CYB5R3: variants seen among roughly 807,000 people sequenced by gnomAD.
CYB5R3 encodes cytochrome b5 reductase 3.
CYB5R3 carries 28 observed loss-of-function variants against 36.5 expected under a neutral mutation model. That is an observed-to-expected ratio of 0.77 (90% CI 0.57 to 1.05). The LOEUF is 1.05. CYB5R3 is among the 50% of genes least tolerant of loss of function. The probability of loss-of-function intolerance (pLI) is 0.00; values close to 1 mark genes in which losing one functional copy is unlikely to be tolerated. For synonymous variants in CYB5R3, 181 were observed against 159.8 expected (o/e 1.13, Z -1.00); for missense variants, 474 against 408.9 (o/e 1.16, Z -1.37).
chr22:42,644,551 C>A lies in CYB5R3; in HGVS notation c.21+4744G>T, dbSNP rs997682461. ...CAAACATCAAATCTTCCCTGATGAGCCCTTCCCTAGCTAACCAGGCCCTTG... is the reference window on the plus strand; with the variant it reads ...CAAACATCAAATCTTCCCTGATGAGACCTTCCCTAGCTAACCAGGCCCTTG... On this transcript the variant is annotated intron_variant, in intron 1 of 8. Coordinates refer to ENST00000352397, the MANE Select transcript of CYB5R3 (RefSeq NM_000398.7). The A allele has an allele frequency of 2.3e-5, 35 of 1,508,824 alleles. No homozygotes were observed. The Admixed American group carries it at 6.9e-4, about 30-fold the overall frequency. The allele number at this position is 1,508,824 out of a possible 1,614,324, so 93.5% of individuals were successfully genotyped here.
At chr22:42,629,356 G>A (rs904505294) in intron 4 of CYB5R3, among the ~76,000 whole-genome samples, 6 of 152,098 alleles carry the variant, frequency 3.9e-5, no homozygotes. Flanking sequence ...TTCTTCACCT[G>A]GTCAGTGCCT....
At chr22:42,628,362 C>G in intron 4 of CYB5R3, 81 bp from the exon 5 acceptor site, 2 of 1,569,598 alleles carry the variant, frequency 1.3e-6, no homozygotes, top group Non-Finnish European at 8.7e-7. Flanking sequence ...AGACAAGTGC[C>G]TCTTCTGCAG....
Position 42,649,368 on chromosome 22 carries a change from G to T in CYB5R3, c.-53C>A, listed in dbSNP as rs1206270772. ...CGCCGCCGCCGCCGCCGCCGAGACC[G>T]TCGCGCCCGGGCCCGCGTCACTCCG... On this transcript the variant is annotated 5_prime_UTR_variant, in exon 1 of 9. Transcript: ENST00000352397. The T allele has an allele frequency of 2.9e-6, 2 of 684,902 alleles. No individual in the cohort carries two copies. The highest frequency in any genetic ancestry group is 2.5e-4 in the East Asian group (2 of 8,150). The allele number at this position is 684,902 out of a possible 1,614,324, so 42.4% of individuals were successfully genotyped here. A position where few individuals can be genotyped will look rare whatever the true frequency, so the allele number is the denominator to read the frequency against.
intron 2 of CYB5R3, chr22:42,631,818 T>C (rs6002829): frequency 0.63 from 196,805 of 312,014 alleles, 62,940 homozygotes; most frequent in East Asian, 0.87. Flanking sequence ...AGGAAGAACT[T>C]GAGGGCTGGA....
chr22:42,642,680 C>T (rs886492536), intron 1 of CYB5R3, among the ~76,000 whole-genome samples: 5 of 152,112 alleles, frequency 3.3e-5, no homozygotes, highest in East Asian at 1.9e-4. Flanking sequence ...CCTCGTGATC[C>T]GCCCGCCTCA....
At chr22:42,638,396 C>CA (rs1206825251) in intron 1 of CYB5R3, among the ~76,000 whole-genome samples, 8,831 of 36,336 alleles carry the variant, frequency 0.24, 1,597 homozygotes, top group Non-Finnish European at 0.32. Flanking sequence ...AACTCCATCT[C>CA]AAAAAAAAAA....
intron 1 of CYB5R3, among the ~76,000 whole-genome samples, chr22:42,641,660 A>C (rs190532174): frequency 5.9e-5 from 9 of 152,244 alleles, no homozygotes; most frequent in Admixed American, 5.9e-4. Flanking sequence ...TAATTTTTGT[A>C]TCATTAGTAG....
chr22:42,632,234 C>T (rs1928659536), intron 2 of CYB5R3: 1 of 152,408 alleles, frequency 6.6e-6, no homozygotes, highest in South Asian at 2.1e-4. Flanking sequence ...AGGGTGCACT[C>T]CCTGTGGGGT....
intron 4 of CYB5R3, among the ~76,000 whole-genome samples, chr22:42,629,868 G>C (rs1291980525): frequency 6.6e-6 from 1 of 152,102 alleles, no homozygotes; most frequent in Non-Finnish European, 1.5e-5. Context: ...CATGATCTTG[G>C]CTTACTGCAA....
intron 1 of CYB5R3, among the ~76,000 whole-genome samples, chr22:42,641,714 G>A (rs1246302652): frequency 6.6e-6 from 1 of 152,148 alleles, no homozygotes; most frequent in South Asian, 2.1e-4. Flanking sequence ...TCGAACTTCT[G>A]ACCTCAGGTG....
chr22:42,638,728 T>TTAAAAAAAAAA (rs1569324852), intron 1 of CYB5R3, among the ~76,000 whole-genome samples: 2 of 47,520 alleles, frequency 4.2e-5, no homozygotes, highest in African/African-American at 2.2e-4. Context: ...CAAGACTCCA[T>TTAAAAAAAAAA]AAAAAAAAAA....
rs1041068129 is a variant in CYB5R3, at chr22:42,631,365, G to T, written c.226+13C>A. 32 of 1,551,218 alleles carry T rather than the reference G, an allele frequency of 2.1e-5. No individual in the cohort carries two copies. Among genetic ancestry groups the T allele is most frequent in the Non-Finnish European group, 2.5e-5 (29 of 1,146,832 alleles). ...GCCGGGCTCCGAATGGGCCCAGCAG[G>T]GGCGTGACTCACCGACAGGGAGGCC... is the stretch of plus-strand genomic sequence containing the variant. On this transcript the variant is annotated intron_variant, in intron 3 of 8. Transcript: ENST00000352397.
chr22:42,638,448 T>G (rs1221892139), intron 1 of CYB5R3, among the ~76,000 whole-genome samples: 1 of 129,806 alleles, frequency 7.7e-6, no homozygotes, highest in Non-Finnish European at 1.6e-5. Context: ...CACACGCCCG[T>G]GGTCCCAGCT....
intron 1 of CYB5R3, among the ~76,000 whole-genome samples, chr22:42,643,793 C>T (rs1231201581): frequency 6.6e-6 from 1 of 152,148 alleles, no homozygotes; most frequent in African/African-American, 2.4e-5. Flanking sequence ...GTTTGAGTCC[C>T]AGCTAAGGAT....
At chr22:42,621,997 C>A (rs1355633119) in intron 8 of CYB5R3, among the ~76,000 whole-genome samples, 1 of 152,262 alleles carries the variant, frequency 6.6e-6, no homozygotes, top group African/African-American at 2.4e-5. Context: ...CATCTCGGCT[C>A]ATTGCAACCT....
Position 42,619,948 on chromosome 22 carries a change from G to C in CYB5R3, c.734-3C>G, listed in dbSNP as rs1400598612. On this transcript the variant is annotated splice_region_variant and splice_polypyrimidine_tract_variant and intron_variant, in intron 8 of 8. Coordinates refer to ENST00000352397, the MANE Select transcript of CYB5R3 (RefSeq NM_000398.7). ...GAAGCCCTGGCCGTAGTCCCAGGCT[G>C]TGGGGTGAGAGACCAGGTAAGCTGA... is the stretch of plus-strand genomic sequence containing the variant. The C allele has an allele frequency of 6.3e-7, 1 of 1,594,270 alleles. No individual in the cohort carries two copies.
At chr22:42,640,361 A>C in intron 1 of CYB5R3, 1 of 489,282 alleles carries the variant, frequency 2.0e-6, no homozygotes, top group Non-Finnish European at 2.9e-6. Flanking sequence ...TTATTTATTT[A>C]TTTATTTATT....
chr22:42,648,055 A>G (rs1929608930), intron 1 of CYB5R3, among the ~76,000 whole-genome samples: 1 of 152,150 alleles, frequency 6.6e-6, no homozygotes, highest in African/African-American at 2.4e-5. Flanking sequence ...CTTTCTGGGG[A>G]AAAATGGGCC....
Position 42,619,554 on chromosome 22 carries a change from A to G in CYB5R3, c.*219T>C. On this transcript the variant is annotated 3_prime_UTR_variant, in exon 9 of 9. Coordinates refer to ENST00000352397, the MANE Select transcript of CYB5R3 (RefSeq NM_000398.7). Reference sequence around the variant, plus strand: ...TCTCTGGTAAGGACCAGTAAGTGCCAGGCAGGACGTACTCTGAAGGCTCAG... The same window carrying G: ...TCTCTGGTAAGGACCAGTAAGTGCCGGGCAGGACGTACTCTGAAGGCTCAG... The G allele has an allele frequency of 1.7e-6, 1 of 592,244 alleles. No individual in the cohort carries two copies. Among genetic ancestry groups the G allele is most frequent in the Non-Finnish European group, 3.0e-6 (1 of 332,106 alleles). The allele number at this position is 592,244 out of a possible 1,614,324, so 36.7% of individuals were successfully genotyped here. A position where few individuals can be genotyped will look rare whatever the true frequency, so the allele number is the denominator to read the frequency against.
Sources: allele counts gnomAD v4.1 joint callset (sites outside exome capture counted in the v4.1 genomes callset), GRCh38; gene constraint gnomAD v4.1.1; transcripts MANE v1.5; gene names NCBI Gene and HGNC (gene_info 2026-07-23, HGNC 2026-07-21).